Variants in CLCN5 observed in about 807,000 individuals in gnomAD.
The protein encoded by CLCN5 is H(+)/Cl(-) exchange transporter 5.
A neutral mutation model predicts 54.0 loss-of-function variants in CLCN5; 17 were observed. The observed-to-expected ratio is 0.31, with a 90% CI of 0.22 to 0.47. The LOEUF (loss-of-function observed/expected upper bound fraction) is 0.47. CLCN5 is among the 20% of genes least tolerant of loss of function. The pLI, the probability that CLCN5 is intolerant of heterozygous loss-of-function variation, is 1.00. For missense variants in CLCN5, 448 were observed against 646.7 expected (o/e 0.69, Z 3.33); for synonymous variants, 222 against 233.0 (o/e 0.95, Z 0.43).
intron 3 of CLCN5, among the ~76,000 whole-genome samples, chrX:49,941,502 C>T (rs1926329238): frequency 1.8e-5 from 2 of 111,363 alleles, no homozygotes; most frequent in Admixed American, 9.6e-5. Context: ...AATCAGAGCT[C>T]AGCATCTTCT....
intron 7 of CLCN5, 35 bp from the exon 8 acceptor site, chrX:50,080,559 A>C (rs1557192915): frequency 8.4e-7 from 1 of 1,187,922 alleles, no homozygotes; most frequent in Admixed American, 2.2e-5. Context: ...GAAGCTGTCT[A>C]GGCTAAAACA....
chrX:49,935,686 TG>T (rs1925918832), intron 3 of CLCN5, among the ~76,000 whole-genome samples: 1 of 111,245 alleles, frequency 9.0e-6, no homozygotes, highest in African/African-American at 3.3e-5. Context: ...CGCAAAGAGT[TG>T]GGGGAACAGC....
In CLCN5 at chrX:50,075,961, G is replaced by A; in HGVS notation, c.582G>A (p.Gln194=). The change falls in exon 7 of 15, where the codon CAG becomes CAA. Residue 194 remains glutamine (Q), a synonymous_variant. Transcript: ENST00000376091. ...GTCCAGAGTGGAATAGTTGGTCCCA[G>A]CTTATCATCAGCACAGATGAGGTAA... ...DKCPEWNSWS[Q]LIISTDEGAF... The A allele has an allele frequency of 1.7e-6, 2 of 1,210,389 alleles. No individual in the cohort carries two copies. The highest frequency in any genetic ancestry group is 2.2e-6 in the Non-Finnish European group (2 of 894,021).
intron 4 of CLCN5, among the ~76,000 whole-genome samples, chrX:50,052,583 A>G (rs1174292691): frequency 9.0e-6 from 1 of 111,447 alleles, no homozygotes; most frequent in Non-Finnish European, 1.9e-5. Context: ...TCTCTCCGCT[A>G]CAGTTTTCTG....
intron 11 of CLCN5, chrX:50,088,415 C>A: frequency 6.0e-6 from 2 of 331,508 alleles, no homozygotes; most frequent in Non-Finnish European, 5.3e-6. Context: ...TGGGAAAGGC[C>A]CAATTTCTGC....
intron 5 of CLCN5, among the ~76,000 whole-genome samples, chrX:50,072,170 TG>T (rs1933241036): frequency 8.9e-6 from 1 of 111,985 alleles, no homozygotes; most frequent in African/African-American, 3.3e-5. Context: ...GTCAAGAGAT[TG>T]CCCTTGGAAT....
chrX:49,990,043 GT>G (rs1929178284), intron 3 of CLCN5, among the ~76,000 whole-genome samples: 1 of 112,004 alleles, frequency 8.9e-6, no homozygotes, highest in African/African-American at 3.2e-5. Flanking sequence ...CAACCAGTGA[GT>G]TTATTCCAAA....
intron 3 of CLCN5, among the ~76,000 whole-genome samples, chrX:50,026,608 A>G (rs1232966214): frequency 7.2e-5 from 8 of 111,606 alleles, no homozygotes; most frequent in Non-Finnish European, 1.3e-4. Context: ...CCCCTTTATC[A>G]TTATGCAGTA....
intron 3 of CLCN5, among the ~76,000 whole-genome samples, chrX:50,029,884 G>A (rs1557185607): frequency 9.0e-6 from 1 of 111,660 alleles, no homozygotes; most frequent in East Asian, 2.8e-4. Flanking sequence ...CCCATTACTG[G>A]GTATATACCC....
In CLCN5 at chrX:50,098,418, T is replaced by G. The variant is rs1934329263; in HGVS notation, c.*6199T>G. ...TTCTGGCTATGGGAAAACTACCACC[T>G]GTTGAGTGAGCCAATGAGGCCAGGA... is the stretch of plus-strand genomic sequence containing the variant. On this transcript the variant is annotated 3_prime_UTR_variant, in exon 15 of 15. Transcript: ENST00000376091. The G allele has an allele frequency of 8.9e-6, 1 of 112,422 alleles. No homozygotes were observed. Among genetic ancestry groups the G allele is most frequent in the African/African-American group, 3.2e-5 (1 of 30,859 alleles). 9.3% of individuals were successfully genotyped at this position (112,422 alleles called of 1,213,427 possible).
At chrX:50,077,633 T>A (rs1170832900) in intron 7 of CLCN5, among the ~76,000 whole-genome samples, 2 of 98,995 alleles carry the variant, frequency 2.0e-5, no homozygotes, top group African/African-American at 3.7e-5. Flanking sequence ...TGTGTGTGTG[T>A]GTGTGTGTGT....
chrX:50,067,928 T>C (rs1340832294), intron 4 of CLCN5: 1 of 117,566 alleles, frequency 8.5e-6, no homozygotes, highest in Non-Finnish European at 1.7e-5. Flanking sequence ...GATGATGCGG[T>C]GCTCATGTTA....
intron 3 of CLCN5, among the ~76,000 whole-genome samples, chrX:50,010,482 G>A (rs1247913726): frequency 9.0e-6 from 1 of 111,642 alleles, no homozygotes; most frequent in Non-Finnish European, 1.9e-5. Flanking sequence ...GGCTCAAGCA[G>A]TCCACCAGCC....
At chrX:49,927,351 A>C (rs1925401599) in intron 3 of CLCN5, among the ~76,000 whole-genome samples, 1 of 112,439 alleles carries the variant, frequency 8.9e-6, no homozygotes, top group South Asian at 3.7e-4. Context: ...AGATGTGCTT[A>C]AAATTACATT....
rs1934153696 is a variant in CLCN5, at chrX:50,093,029, A to AT, written c.*813dup. The AT allele has an allele frequency of 8.9e-6, 1 of 112,297 alleles. No homozygotes were observed. Among genetic ancestry groups the AT allele is most frequent in the African/African-American group, 3.2e-5 (1 of 30,880 alleles). 9.3% of individuals were successfully genotyped at this position (112,297 alleles called of 1,213,427 possible). A position where few individuals can be genotyped will look rare whatever the true frequency, so the allele number is the denominator to read the frequency against. On this transcript the variant is annotated 3_prime_UTR_variant, in exon 15 of 15. Coordinates refer to ENST00000376091, the MANE Select transcript of CLCN5 (RefSeq NM_001127898.4). The stretch of plus-strand genomic sequence containing the variant: ...GTGAATTTGTTAGTAGCAAGGAATG[A>AT]TTTCTTCCAGCTTCCTTGAAATGAA...
chrX:50,025,375 G>C (rs1391777719), intron 3 of CLCN5, among the ~76,000 whole-genome samples: 11 of 89,133 alleles, frequency 1.2e-4, no homozygotes, highest in East Asian at 7.3e-4. Context: ...TGCGCCCACT[G>C]TCTGGCACTC....
chrX:50,007,904 C>T (rs782413099), intron 3 of CLCN5, among the ~76,000 whole-genome samples: 8 of 111,911 alleles, frequency 7.1e-5, no homozygotes, highest in Non-Finnish European at 1.3e-4. Context: ...TGTGGTAGAG[C>T]GTGCATTTGA....
At chrX:49,957,297 C>T (rs1241268205) in intron 3 of CLCN5, among the ~76,000 whole-genome samples, 1 of 110,843 alleles carries the variant, frequency 9.0e-6, no homozygotes, top group East Asian at 2.8e-4. Flanking sequence ...GAGACTCTGT[C>T]TCTATAAAAG....
chrX:50,045,762 C>G (rs1569539335), intron 4 of CLCN5, among the ~76,000 whole-genome samples: 1 of 112,150 alleles, frequency 8.9e-6, no homozygotes, highest in Admixed American at 9.5e-5. Flanking sequence ...GAGACAAACA[C>G]GAAAATCAGC....
Sources: allele counts gnomAD v4.1 joint callset (sites outside exome capture counted in the v4.1 genomes callset), GRCh38; gene constraint gnomAD v4.1.1; transcripts MANE v1.5; gene names NCBI Gene and HGNC (gene_info 2026-07-23, HGNC 2026-07-21).